GNAS: variants seen among roughly 807,000 people sequenced by gnomAD.
GNAS encodes GNAS complex locus.
In GNAS, 8 loss-of-function variants were observed where a neutral mutation model predicts 54.5. The observed-to-expected ratio is 0.15, with a 90% CI of 0.09 to 0.26. The LOEUF (loss-of-function observed/expected upper bound fraction) is 0.26, where lower values mean the gene tolerates loss of function less well. Ranked by LOEUF, GNAS falls within the 10% of genes least tolerant of loss-of-function variation. GNAS has a pLI of 1.00. For missense variants in GNAS, 170 were observed against 529.8 expected, an observed-to-expected ratio of 0.32 and a Z score of 6.67; for synonymous variants, 204 against 191.4, an observed-to-expected ratio of 1.07 and a Z score of -0.54.
intron 1 of GNAS, chr20:58,892,565 A>AG (rs1334228252): frequency 4.8e-4 from 3 of 6,296 alleles, no homozygotes; most frequent in Non-Finnish European, 1.0e-3. Flanking sequence ...CGGAGTCGGG[A>AG]GGGGGGCGGC....
intron 1 of GNAS, 128 bp downstream of exon 1, chr20:58,891,993 C>T (rs971288988): frequency 8.8e-5 from 67 of 763,636 alleles, no homozygotes; most frequent in African/African-American, 4.6e-4. Flanking sequence ...TTCGCGGGCT[C>T]TGTCTGTGGG....
At chr20:58,870,497 C>A (rs904155168) in intron 1 of GNAS, among the ~76,000 whole-genome samples, 1 of 152,214 alleles carries the variant, frequency 6.6e-6, no homozygotes, top group African/African-American at 2.4e-5. Context: ...GCTGGGTCTG[C>A]TCTCAGAAAT....
At chr20:58,908,437 C>T (rs1468792131) in intron 6 of GNAS, among the ~76,000 whole-genome samples, 2 of 151,840 alleles carry the variant, frequency 1.3e-5, no homozygotes, top group Non-Finnish European at 2.9e-5. Flanking sequence ...AGAAGGGCCC[C>T]TTTGTGCCAA....
chr20:58,860,542 C>T (rs2086729308), intron 1 of GNAS, among the ~76,000 whole-genome samples: 2 of 152,034 alleles, frequency 1.3e-5, no homozygotes, highest in Admixed American at 1.3e-4. Context: ...GCTCCATAGT[C>T]TTTGTAGTGA....
At chr20:58,847,763 C>T (rs933273018) in intron 1 of GNAS, among the ~76,000 whole-genome samples, 1 of 152,204 alleles carries the variant, frequency 6.6e-6, no homozygotes, top group African/African-American at 2.4e-5. Flanking sequence ...CCTCCCTTCC[C>T]TCTCTCTACT....
Position 58,885,736 on chromosome 20 carries a change from C to T in GNAS, c.44-9876C>T, listed in dbSNP as rs182586940. Among the ~76,000 whole-genome samples the T allele has an allele frequency of 6.8e-4, 103 of 152,302 alleles. 4 individuals are homozygous for T. The highest frequency in any genetic ancestry group is 2.1e-4 in the South Asian group (1 of 4,830). On this transcript the variant is annotated intron_variant, in intron 1 of 12. Transcript: ENST00000306090. ...GACTAGGAAATGCTTTTTACAATTCCTGCTTTCATCATCTGCATGACATAG... is the reference window on the plus strand; with the variant it reads ...GACTAGGAAATGCTTTTTACAATTCTTGCTTTCATCATCTGCATGACATAG...
At chr20:58,854,005 C>A in intron 1 of GNAS, 1 of 1,611,880 alleles carries the variant, frequency 6.2e-7, no homozygotes, top group Non-Finnish European at 8.5e-7. Context: ...CGAGTTATCG[C>A]ACAAGTCGAC....
At chr20:58,855,540 T>C in intron 1 of GNAS, 3 of 720,172 alleles carry the variant, frequency 4.2e-6, no homozygotes, top group Non-Finnish European at 7.7e-6. Flanking sequence ...GTGGCCGAAG[T>C]ATATGCCCTC....
In GNAS at chr20:58,853,579, A is replaced by C; in HGVS notation, c.43+12693A>C. ...CCTCCTGAGGAAGCAATGCCCTTCG[A>C]GGCTGAACAGCCCAGCTTGGGAGGC... On this transcript the variant is annotated intron_variant, in intron 1 of 12. Transcript: ENST00000306090. This position sits in a 1 kb window ranked among gnomAD's most constrained non-coding sequence, Gnocchi z 4.4. 1.2e-6 allele frequency: 2 copies of C among 1,613,304 alleles called. No individual in the cohort carries two copies. The highest frequency in any genetic ancestry group is 4.5e-5 in the East Asian group (2 of 44,860).
At chr20:58,848,259 C>G (rs1323339612) in intron 1 of GNAS, among the ~76,000 whole-genome samples, 1 of 152,186 alleles carries the variant, frequency 6.6e-6, no homozygotes. Flanking sequence ...CCAATCCTGT[C>G]CTCCCCTACT....
intron 1 of GNAS, chr20:58,854,358 G>A (rs750178596): frequency 1.3e-6 from 2 of 1,578,592 alleles, no homozygotes; most frequent in Non-Finnish European, 1.7e-6. Flanking sequence ...GGAAGGAGCC[G>A]CTGATGCCGC....
At chr20:58,887,938 TGGGGAAAAGG>T (rs1204651030), upstream of GNAS, among the ~76,000 whole-genome samples, 3 of 152,160 alleles carry the variant, frequency 2.0e-5, no homozygotes, top group African/African-American at 7.2e-5. Context: ...TGGAGCAAAC[TGGGGAAAAGG>T]GGGGAATTTC....
At chr20:58,895,498 G>A in intron 1 of GNAS, 114 bp from the exon 2 acceptor site, 1 of 734,454 alleles carries the variant, frequency 1.4e-6, no homozygotes, top group Non-Finnish European at 2.5e-6. Context: ...GTGATTTTGT[G>A]TTTGGTTTTT....
chr20:58,862,962 GAAA>G (rs542171703), intron 1 of GNAS, among the ~76,000 whole-genome samples: 4 of 82,320 alleles, frequency 4.9e-5, no homozygotes, highest in Non-Finnish European at 4.9e-5. Context: ...TATTACACAT[GAAA>G]AAAAAAAAAA....
chr20:58,855,600 C>A, intron 1 of GNAS: 1 of 717,432 alleles, frequency 1.4e-6, no homozygotes. Context: ...TCCGGCTGGA[C>A]AGGCCAGCGC....
intron 1 of GNAS, chr20:58,854,308 G>T: frequency 6.2e-7 from 1 of 1,601,860 alleles, no homozygotes; most frequent in Admixed American, 1.7e-5. Flanking sequence ...AAGAGAGAGC[G>T]AGCAGAGAGA....
chr20:58,854,455 C>T (rs895175482), intron 1 of GNAS: 1 of 1,578,048 alleles, frequency 6.3e-7, no homozygotes, highest in Non-Finnish European at 8.6e-7. Flanking sequence ...GCAGCCCCTG[C>T]AGCCCCAGCC....
intron 5 of GNAS, among the ~76,000 whole-genome samples, chr20:58,904,800 ACT>A (rs1009228198): frequency 1.3e-5 from 2 of 152,224 alleles, no homozygotes; most frequent in East Asian, 3.8e-4. Flanking sequence ...AATATAACCC[ACT>A]GACTTTCTTG....
chr20:58,876,467 C>T (rs2087824491), intron 1 of GNAS: 1 of 152,002 alleles, frequency 6.6e-6, no homozygotes, highest in Non-Finnish European at 1.5e-5. Context: ...ATTAGAATGA[C>T]ATTGTCACAA....
Sources: gnomAD v4.1 joint callset for allele counts (sites outside exome capture counted in the v4.1 genomes callset) on GRCh38, gnomAD v4.1.1 for gene constraint, Gnocchi (gnomAD v3.1) non-coding constraint, MANE v1.5 for transcripts, NCBI Gene and HGNC (gene_info 2026-07-23, HGNC 2026-07-21) for gene names.